The following WASHC4 variants were observed in gnomAD, a reference collection of about 807,000 sequenced individuals.
The protein encoded by WASHC4 is WASH complex subunit 4, also known as WASH complex subunit 7.
WASHC4 carries 86 observed loss-of-function variants against 166.6 expected under a neutral mutation model. The ratio of observed to expected loss-of-function variants is 0.52; its 90% CI spans 0.43 to 0.62. The LOEUF is 0.62. Ranked by LOEUF, WASHC4 falls within the 20% of genes least tolerant of loss-of-function variation. WASHC4 has a pLI of 0.00. For synonymous variants in WASHC4, 446 were observed against 451.6 expected (o/e 0.99, Z 0.16); for missense variants, 1,262 against 1,382.4 (o/e 0.91, Z 1.38).
Position 105,166,930 on chromosome 12 carries a change from G to A in WASHC4, c.3521G>A (p.Ter1174=). 4 of 1,591,212 alleles carry A rather than the reference G, an allele frequency of 2.5e-6. No individual in the cohort carries two copies. Among genetic ancestry groups the A allele is most frequent in the Non-Finnish European group, 3.4e-6 (4 of 1,163,410 alleles). The change falls in exon 33 of 33, where the codon TGA becomes TAA. Residue 1174 remains the stop codon, a stop_retained_variant. Transcript: ENST00000332180. ...GTGTCTGCTGATCCTGTTGTGAAAT[G>A]ATACGGATGGTATTCACTGCACATA... ...STVSADPVVK[*] is the part of the protein sequence containing the mutation.
chr12:105,133,785 C>G lies in WASHC4; in HGVS notation c.1215C>G (p.Tyr405Ter). The G allele has an allele frequency of 6.2e-7, 1 of 1,612,304 alleles. No homozygotes were observed. The highest frequency in any genetic ancestry group is 8.5e-7 in the Non-Finnish European group (1 of 1,178,790). ...AQSLTKDVQS[Y>*]YVFVSSWMMK... ...CCTTTGTTAGAGATGTACAGTCTTA[C>G]TACGTCTTTGTGAGCTCATGGATGA... The change falls in exon 14 of 33, where the codon TAC becomes TAG. Residue 405 changes from tyrosine (Y) to a stop codon, truncating the protein, a stop_gained. Coordinates refer to ENST00000332180, the MANE Select transcript of WASHC4 (RefSeq NM_015275.3). LOFTEE classifies it high-confidence loss of function.
Position 105,167,189 on chromosome 12 carries a change from G to T in WASHC4, c.*258G>T, listed in dbSNP as rs1884858165. On this transcript the variant is annotated 3_prime_UTR_variant, in exon 33 of 33. Transcript: ENST00000332180. ...ACAAGATGTTTCTATTTGAAGTGAAGTTATAAAAGGGCAAATCCAGATTCA... is the reference window on the plus strand; with the variant it reads ...ACAAGATGTTTCTATTTGAAGTGAATTTATAAAAGGGCAAATCCAGATTCA... The T allele has an allele frequency of 6.9e-6, 3 of 437,826 alleles. No individual in the cohort carries two copies. The highest frequency in any genetic ancestry group is 3.8e-5 in the Admixed American group (1 of 26,154). 27.1% of individuals were successfully genotyped at this position (437,826 alleles called of 1,614,324 possible).
At chr12:105,147,668 G>A (rs977615831) in intron 24 of WASHC4, 1 of 762,170 alleles carries the variant, frequency 1.3e-6, no homozygotes, top group East Asian at 1.2e-4. Flanking sequence ...CACTTTGGGA[G>A]GCTGAAGCAG....
intron 23 of WASHC4, among the ~76,000 whole-genome samples, 182 bp from the exon 24 acceptor site, chr12:105,146,860 C>G (rs964052273): frequency 6.6e-6 from 1 of 152,042 alleles, no homozygotes; most frequent in Non-Finnish European, 1.5e-5. Context: ...AAAGGAAACG[C>G]TCATTGGAAC....
intron 29 of WASHC4, 101 bp from the exon 30 acceptor site, chr12:105,162,644 CTATT>C: frequency 3.0e-6 from 2 of 674,940 alleles, no homozygotes; most frequent in Non-Finnish European, 5.3e-6. Context: ...CTATTCTATT[CTATT>C]TATAGTGATT....
At chr12:105,149,568 A>G (rs765882400) in intron 24 of WASHC4, 47 bp from the exon 25 acceptor site, 2 of 1,198,852 alleles carry the variant, frequency 1.7e-6, no homozygotes, top group Non-Finnish European at 2.4e-6. Context: ...GATTTGAATT[A>G]ATTTTTATAT....
intron 13 of WASHC4, among the ~76,000 whole-genome samples, 158 bp downstream of exon 13, chr12:105,127,447 T>G (rs1295551414): frequency 6.6e-6 from 1 of 152,276 alleles, no homozygotes; most frequent in East Asian, 1.9e-4. Flanking sequence ...TTCTAGAAGT[T>G]TTTTGTAAAG....
chr12:105,148,619 A>G (rs1470742579), intron 24 of WASHC4: 2 of 985,236 alleles, frequency 2.0e-6, no homozygotes, highest in Non-Finnish European at 2.4e-6. Context: ...TAAAAATGCA[A>G]AGAAACAGAA....
intron 19 of WASHC4, 111 bp from the exon 20 acceptor site, chr12:105,143,015 AT>A: frequency 2.8e-6 from 2 of 724,090 alleles, no homozygotes; most frequent in Non-Finnish European, 4.9e-6. Context: ...GTGGAAAATC[AT>A]TTTTCCTTCA....
chr12:105,150,158 T>C (rs1883626294), intron 25 of WASHC4, among the ~76,000 whole-genome samples: 1 of 152,200 alleles, frequency 6.6e-6, no homozygotes, highest in African/African-American at 2.4e-5. Context: ...ATAGTAAAAA[T>C]GGAGTAATAT....
intron 15 of WASHC4, among the ~76,000 whole-genome samples, chr12:105,139,423 G>GTTTATATATATATA (rs1398258029): frequency 3.7e-5 from 1 of 27,382 alleles, no homozygotes; most frequent in Non-Finnish European, 6.5e-5. Flanking sequence ...ATATGTGTGT[G>GTTTATATATATATA]TGTATATATA....
intron 1 of WASHC4, 103 bp downstream of exon 1, chr12:105,107,964 C>G: frequency 2.3e-6 from 2 of 866,908 alleles, no homozygotes; most frequent in Non-Finnish European, 3.8e-6. Context: ...GCGCAGCCGT[C>G]TGGTGCGGGA....
chr12:105,164,042 T>TAA (rs1884660199), intron 30 of WASHC4, 69 bp from the exon 31 acceptor site: 1 of 1,336,178 alleles, frequency 7.5e-7, no homozygotes, highest in Admixed American at 1.7e-5. Context: ...TTGGGAATTA[T>TAA]TGGTGAAGGA....
chr12:105,163,340 T>C (rs1211166439), intron 30 of WASHC4, among the ~76,000 whole-genome samples: 1 of 152,212 alleles, frequency 6.6e-6, no homozygotes, highest in Non-Finnish European at 1.5e-5. Flanking sequence ...CTGTAGTTTA[T>C]AACTTATTGA....
At chr12:105,146,885 AT>A (rs1452063317) in intron 23 of WASHC4, among the ~76,000 whole-genome samples, 156 bp from the exon 24 acceptor site, 5 of 152,090 alleles carry the variant, frequency 3.3e-5, no homozygotes, top group Admixed American at 2.0e-4. Flanking sequence ...TGGATTTCAG[AT>A]TTTCGGATTA....
At chr12:105,125,868 C>T (rs1037629734) in intron 10 of WASHC4, 136 bp from the exon 11 acceptor site, 3 of 795,098 alleles carry the variant, frequency 3.8e-6, no homozygotes, top group Non-Finnish European at 6.0e-6. Flanking sequence ...AGATTAAGAA[C>T]CTGAGCTTTA....
In WASHC4 at chr12:105,107,764, G is replaced by T; in HGVS notation, c.-37G>T. 6.6e-7 allele frequency: 1 copy of T among 1,504,000 alleles called. No individual in the cohort carries two copies. 93.2% of individuals were successfully genotyped at this position (1,504,000 alleles called of 1,614,324 possible). On this transcript the variant is annotated 5_prime_UTR_variant, in exon 1 of 33. Transcript: ENST00000332180. ...GGGTGAGGCCGTCGTCGCCGCACGGGCTGGTTGGGGCTGTGTCTGTGGGAG... is the reference window on the plus strand; with the variant it reads ...GGGTGAGGCCGTCGTCGCCGCACGGTCTGGTTGGGGCTGTGTCTGTGGGAG...
intron 10 of WASHC4, among the ~76,000 whole-genome samples, chr12:105,125,001 A>G (rs1418426336): frequency 6.6e-6 from 1 of 152,258 alleles, no homozygotes; most frequent in Non-Finnish European, 1.5e-5. Context: ...GTTATATCAG[A>G]CAGCACAGAT....
intron 10 of WASHC4, among the ~76,000 whole-genome samples, chr12:105,123,103 C>T (rs1248063895): frequency 2.0e-5 from 3 of 152,170 alleles, no homozygotes; most frequent in African/African-American, 7.2e-5. Flanking sequence ...CACGTGAGGT[C>T]AGGAGTTCAA....
Sources: gnomAD v4.1 joint callset for allele counts (sites outside exome capture counted in the v4.1 genomes callset) on GRCh38, gnomAD v4.1.1 for gene constraint, MANE v1.5 for transcripts, NCBI Gene and HGNC (gene_info 2026-07-23, HGNC 2026-07-21) for gene names.